DPP10: variants seen among roughly 807,000 people sequenced by gnomAD.
The protein encoded by DPP10 is dipeptidyl peptidase like 10, also known as inactive dipeptidyl peptidase 10.
Under a neutral mutation model 120.9 loss-of-function variants are expected in DPP10, and 33 were observed. The observed-to-expected ratio is 0.27, with a 90% CI of 0.21 to 0.37. DPP10 has a LOEUF of 0.37. Ranked by LOEUF, DPP10 falls within the 10% of genes least tolerant of loss-of-function variation. DPP10 has a pLI of 1.00. For missense variants in DPP10, 816 were observed against 942.8 expected (o/e 0.87, Z 1.76); for synonymous variants, 337 against 326.1 (o/e 1.03, Z -0.36).
intron 1 of DPP10, among the ~76,000 whole-genome samples, chr2:114,929,774 G>A (rs759673671): frequency 1.3e-5 from 2 of 152,166 alleles, no homozygotes; most frequent in African/African-American, 2.4e-5. Context: ...GGGATTAAGA[G>A]ATTAAAGTAA....
rs538701565 is a variant in DPP10, at chr2:115,390,621, G to A, written c.271+46709G>A. The stretch of plus-strand genomic sequence containing the variant: ...TTTCCCTTCAATACTCAAGTTTAAC[G>A]TTGAGAGAGAAATGAATTTTGCCCC... On this transcript the variant is annotated intron_variant, in intron 3 of 25. Coordinates refer to ENST00000410059, the MANE Select transcript of DPP10 (RefSeq NM_020868.6). 4.1e-4 allele frequency among the ~76,000 whole-genome samples: 62 copies of A among 151,974 alleles called. 3 individuals carry two copies. In the South Asian group the frequency reaches 0.013, roughly 32 times the overall value.
intron 3 of DPP10, among the ~76,000 whole-genome samples, chr2:115,498,217 A>G (rs1420984556): frequency 1.3e-5 from 2 of 152,132 alleles, no homozygotes; most frequent in Non-Finnish European, 2.9e-5. Flanking sequence ...TCTTGACTCT[A>G]ACAGGAGAGT....
chr2:115,061,935 A>C (rs528747869), intron 1 of DPP10, among the ~76,000 whole-genome samples: 21 of 152,032 alleles, frequency 1.4e-4, no homozygotes, highest in Non-Finnish European at 2.4e-4. Flanking sequence ...TAAAATTTTC[A>C]GTTAAAATTG....
At chr2:114,761,967 C>A (rs545065323) in intron 1 of DPP10, among the ~76,000 whole-genome samples, 4 of 152,222 alleles carry the variant, frequency 2.6e-5, no homozygotes, top group African/African-American at 9.6e-5. Context: ...GCCAGGCAGC[C>A]AAGCCAGTGT....
intron 1 of DPP10, among the ~76,000 whole-genome samples, chr2:115,041,044 G>A (rs528141493): frequency 1.1e-4 from 17 of 150,894 alleles, no homozygotes; most frequent in Admixed American, 5.3e-4. Flanking sequence ...ACTTGAACCC[G>A]GGAAGCAGAG....
chr2:115,717,376 TAATAAAAAATA>T lies in DPP10; in HGVS notation c.577-10422_577-10412del, dbSNP rs1016845624. Among the ~76,000 whole-genome samples, 99 of 152,076 alleles carry T rather than the reference TAATAAAAAATA, an allele frequency of 6.5e-4. 1 individual carries two copies. Among genetic ancestry groups the T allele is most frequent in the Admixed American group, 9.2e-4 (14 of 15,268 alleles). On this transcript the variant is annotated intron_variant, in intron 7 of 25. Transcript: ENST00000410059. ...CACATGTACCCTAAAACTTAAAGTA[TAATAAAAAATA>T]AATAAAAAATAAATAAATAAATAAG...
intron 1 of DPP10, among the ~76,000 whole-genome samples, chr2:114,504,553 C>G (rs1304514068): frequency 2.0e-5 from 3 of 150,324 alleles, no homozygotes; most frequent in Admixed American, 6.6e-5. Context: ...TCTTCTTCCT[C>G]CTTTTTATAC....
intron 11 of DPP10, among the ~76,000 whole-genome samples, chr2:115,754,297 T>A (rs2149756448): frequency 6.6e-6 from 1 of 152,276 alleles, no homozygotes; most frequent in East Asian, 1.9e-4. Context: ...CAGCAATCTA[T>A]GGAGAGGACC....
intron 7 of DPP10, among the ~76,000 whole-genome samples, chr2:115,713,403 A>G (rs570912371): frequency 1.1e-4 from 17 of 152,308 alleles, no homozygotes; most frequent in Non-Finnish European, 2.4e-4. Flanking sequence ...ATTATTGAAC[A>G]TTATTATGGG....
At chr2:115,699,046 A>AAAAAAAAAAAAAAAAAG (rs2091758509) in intron 7 of DPP10, among the ~76,000 whole-genome samples, 1 of 145,792 alleles carries the variant, frequency 6.9e-6, no homozygotes, top group Non-Finnish European at 1.5e-5. Flanking sequence ...CAAAAAAAAA[A>AAAAAAAAAAAAAAAAAG]AAACAAGAGA....
intron 1 of DPP10, among the ~76,000 whole-genome samples, chr2:114,592,458 T>C (rs983069948): frequency 7.9e-5 from 12 of 152,184 alleles, no homozygotes; most frequent in Admixed American, 1.3e-4. Flanking sequence ...AAAACCAGCA[T>C]TGAGATTTTA....
Position 114,580,721 on chromosome 2 carries a change from G to GTT in DPP10, c.60+137898_60+137899dup, listed in dbSNP as rs11384274. ...GCACCGCATTAATCATATCACATCT[G>GTT]TTTTTTTTTTTTTTTTCGGAGACCT... On this transcript the variant is annotated intron_variant, in intron 1 of 25. Transcript: ENST00000410059. Among the ~76,000 whole-genome samples, 528 of 123,072 alleles carry GTT rather than the reference G, an allele frequency of 4.3e-3. 1 individual carries two copies. The highest frequency in any genetic ancestry group is 9.0e-3 in the East Asian group (40 of 4,454). 80.7% of individuals were successfully genotyped at this position (123,072 alleles called of 152,430 possible).
intron 5 of DPP10, among the ~76,000 whole-genome samples, chr2:115,669,864 A>T (rs1038724778): frequency 1.3e-5 from 2 of 152,182 alleles, no homozygotes; most frequent in Non-Finnish European, 2.9e-5. Flanking sequence ...AGAGTGAAAG[A>T]AAACTATATT....
At chr2:115,755,446 A>G (rs1679272386) in intron 11 of DPP10, among the ~76,000 whole-genome samples, 1 of 152,098 alleles carries the variant, frequency 6.6e-6, no homozygotes, top group Non-Finnish European at 1.5e-5. Context: ...ATATTGCTGG[A>G]AAACTGGATG....
intron 14 of DPP10, 53 bp from the exon 15 acceptor site, chr2:115,777,734 T>A (rs1401111375): frequency 5.7e-6 from 9 of 1,584,528 alleles, no homozygotes; most frequent in Non-Finnish European, 6.9e-6. Flanking sequence ...AATTCACAGA[T>A]CACAAAAAAT....
At chr2:115,306,090 G>A (rs1033333983) in intron 1 of DPP10, among the ~76,000 whole-genome samples, 1 of 151,872 alleles carries the variant, frequency 6.6e-6, no homozygotes, top group Non-Finnish European at 1.5e-5. Context: ...CAGTTGTTCA[G>A]GTAAAAATTT....
chr2:115,061,853 AAT>A (rs755680887), intron 1 of DPP10, among the ~76,000 whole-genome samples: 2 of 152,162 alleles, frequency 1.3e-5, no homozygotes, highest in Admixed American at 6.5e-5. Flanking sequence ...CAGAGTAGAT[AAT>A]ATGTCTTTTA....
At chr2:115,039,434 A>G (rs1704469715) in intron 1 of DPP10, among the ~76,000 whole-genome samples, 1 of 152,182 alleles carries the variant, frequency 6.6e-6, no homozygotes, top group South Asian at 2.1e-4. Context: ...CTGAGGGAAC[A>G]TATAAAAGAA....
intron 1 of DPP10, among the ~76,000 whole-genome samples, chr2:115,030,541 A>T (rs906515490): frequency 6.6e-6 from 1 of 152,160 alleles, no homozygotes; most frequent in African/African-American, 2.4e-5. Context: ...TGTTAGTTAA[A>T]TGTGTGCCAT....
Sources: gnomAD v4.1 joint callset for allele counts (sites outside exome capture counted in the v4.1 genomes callset) on GRCh38, gnomAD v4.1.1 for gene constraint, MANE v1.5 for transcripts, NCBI Gene and HGNC (gene_info 2026-07-23, HGNC 2026-07-21) for gene names.